Variants in ACVR1 observed in about 807,000 individuals in gnomAD.
ACVR1 encodes the protein activin receptor type-1.
In ACVR1, 38 loss-of-function variants were observed where a neutral mutation model predicts 57.1. The observed-to-expected ratio is 0.67, with a 90% CI of 0.51 to 0.87. The LOEUF (loss-of-function observed/expected upper bound fraction) is 0.87, where lower values mean the gene tolerates loss of function less well. Among genes scored for constraint, ACVR1 ranks in the 40% least tolerant of loss-of-function variants. The pLI, the probability that ACVR1 is intolerant of heterozygous loss-of-function variation, is 0.00. For synonymous variants in ACVR1, 212 were observed against 228.1 expected (o/e 0.93, Z 0.63); for missense variants, 463 against 638.2 (o/e 0.73, Z 2.96).
intron 1 of ACVR1, among the ~76,000 whole-genome samples, chr2:157,866,151 A>C (rs1279387494): frequency 6.6e-6 from 1 of 152,196 alleles, no homozygotes; most frequent in African/African-American, 2.4e-5. Context: ...GCTATCTAGG[A>C]ACGAAAAACA....
intron 1 of ACVR1, among the ~76,000 whole-genome samples, chr2:157,841,144 C>G (rs937798230): frequency 6.6e-6 from 1 of 152,118 alleles, no homozygotes; most frequent in African/African-American, 2.4e-5. Context: ...TACTTGGCTT[C>G]TAATCCCCAA....
chr2:157,776,893 A>G (rs1686309966), intron 5 of ACVR1, among the ~76,000 whole-genome samples: 1 of 152,218 alleles, frequency 6.6e-6, no homozygotes, highest in Non-Finnish European at 1.5e-5. Flanking sequence ...CAATGGCATT[A>G]AGTAAAACTG....
intron 9 of ACVR1, among the ~76,000 whole-genome samples, chr2:157,740,783 C>T (rs931821787): frequency 6.6e-6 from 1 of 152,168 alleles, no homozygotes; most frequent in African/African-American, 2.4e-5. Flanking sequence ...CTTGTGTTTC[C>T]GTTTCCCATG....
At chr2:157,742,500 C>A (rs1213275324) in intron 9 of ACVR1, among the ~76,000 whole-genome samples, 4 of 152,224 alleles carry the variant, frequency 2.6e-5, no homozygotes, top group South Asian at 4.1e-4. Flanking sequence ...TACTCCCCCA[C>A]AACTTTTGGC....
At chr2:157,832,686 T>G (rs1435979980) in intron 1 of ACVR1, among the ~76,000 whole-genome samples, 1 of 152,252 alleles carries the variant, frequency 6.6e-6, no homozygotes, top group Non-Finnish European at 1.5e-5. Context: ...TGATTTGGGT[T>G]ACTATTAATT....
intron 3 of ACVR1, among the ~76,000 whole-genome samples, chr2:157,789,559 C>G (rs551684632): frequency 2.6e-5 from 4 of 152,340 alleles, no homozygotes; most frequent in Admixed American, 2.0e-4. Flanking sequence ...ATTTCAGAAG[C>G]ATTTCCTTCC....
At chr2:157,802,318 C>A (rs1038115411) in intron 2 of ACVR1, among the ~76,000 whole-genome samples, 2 of 151,904 alleles carry the variant, frequency 1.3e-5, no homozygotes, top group African/African-American at 4.8e-5. Flanking sequence ...GGACTTAGGG[C>A]AAACCTCAGG....
intron 3 of ACVR1, among the ~76,000 whole-genome samples, chr2:157,782,573 A>C (rs1480667667): frequency 6.6e-6 from 1 of 152,214 alleles, no homozygotes; most frequent in Non-Finnish European, 1.5e-5. Flanking sequence ...ACACTTGCCA[A>C]AAGAGAGCTG....
chr2:157,815,563 G>A (rs114657647), intron 2 of ACVR1, among the ~76,000 whole-genome samples: 2 of 152,240 alleles, frequency 1.3e-5, no homozygotes, highest in African/African-American at 4.8e-5. Flanking sequence ...AAGAATCACA[G>A]GGGTAGCAAT....
intron 1 of ACVR1, among the ~76,000 whole-genome samples, chr2:157,851,907 A>ACCCCCCCCCCCCCCCCCCCC (rs374270063): frequency 1.7e-4 from 2 of 11,714 alleles, no homozygotes; most frequent in South Asian, 3.9e-3. Context: ...ACACACACAC[A>ACCCCCCCCCCCCCCCCCCCC]CACCACCCCC....
At chr2:157,794,769 G>A (rs1687040520) in intron 3 of ACVR1, among the ~76,000 whole-genome samples, 3 of 151,932 alleles carry the variant, frequency 2.0e-5, no homozygotes, top group South Asian at 4.2e-4. Context: ...CATCAAACAG[G>A]CCATTATATT....
intron 9 of ACVR1, among the ~76,000 whole-genome samples, chr2:157,750,511 G>C (rs1235139059): frequency 1.3e-5 from 2 of 152,130 alleles, no homozygotes; most frequent in African/African-American, 4.8e-5. Context: ...GCCAATTACA[G>C]CTGAAGTAAT....
chr2:157,781,133 A>T (rs1207959596), intron 3 of ACVR1, among the ~76,000 whole-genome samples: 2 of 152,192 alleles, frequency 1.3e-5, no homozygotes, highest in African/African-American at 4.8e-5. Context: ...TATACTACAA[A>T]CTGAGTATCC....
intron 2 of ACVR1, among the ~76,000 whole-genome samples, chr2:157,811,147 T>C (rs1687739609): frequency 2.0e-5 from 2 of 97,582 alleles, no homozygotes; most frequent in Non-Finnish European, 5.4e-5. Context: ...GGCTGCACTC[T>C]CAGGTATCTT....
chr2:157,820,613 G>A (rs1032404737), intron 1 of ACVR1, among the ~76,000 whole-genome samples: 4 of 145,058 alleles, frequency 2.8e-5, no homozygotes, highest in Admixed American at 2.1e-4. Flanking sequence ...CTACTAATTT[G>A]CCATCCAACA....
chr2:157,817,653 T>A (rs1055622154), intron 2 of ACVR1, among the ~76,000 whole-genome samples: 1 of 152,140 alleles, frequency 6.6e-6, no homozygotes, highest in Admixed American at 6.5e-5. Flanking sequence ...TATTTTCTGC[T>A]CAATTTTGCT....
At position 157,738,867 on chromosome 2, in the gene ACVR1, T is replaced by G. The variant is rs1038768231; in HGVS notation, c.1265-297A>C. Among the ~76,000 whole-genome samples the G allele has an allele frequency of 4.6e-5, 7 of 152,340 alleles. No individual in the cohort carries two copies. In the South Asian group the frequency reaches 6.2e-4, roughly 14 times the overall value. On this transcript the variant is annotated intron_variant, in intron 9 of 10. Coordinates refer to ENST00000434821, the MANE Select transcript of ACVR1 (RefSeq NM_001111067.4). ...TTCTCCAACAGTGTATATTAACAGC[T>G]CTGTAACGCCCAACAGGGCACTGGA... is the stretch of plus-strand genomic sequence containing the variant.
At chr2:157,785,159 C>T (rs1420763879) in intron 3 of ACVR1, among the ~76,000 whole-genome samples, 2 of 152,166 alleles carry the variant, frequency 1.3e-5, no homozygotes, top group African/African-American at 4.8e-5. Flanking sequence ...TCCTAGAGGG[C>T]AGCAAAAGGA....
chr2:157,798,406 T>C (rs900461254), intron 3 of ACVR1, among the ~76,000 whole-genome samples: 2 of 151,760 alleles, frequency 1.3e-5, no homozygotes, highest in African/African-American at 2.4e-5. Context: ...TACCAATCTA[T>C]TTTCGAAGAT....
Sources: allele counts gnomAD v4.1 joint callset (sites outside exome capture counted in the v4.1 genomes callset), GRCh38; gene constraint gnomAD v4.1.1; transcripts MANE v1.5; gene names NCBI Gene and HGNC (gene_info 2026-07-23, HGNC 2026-07-21).